ABLIM1: variants seen among roughly 807,000 people sequenced by gnomAD.
The protein encoded by ABLIM1 is actin-binding LIM protein 1.
A neutral mutation model predicts 107.0 loss-of-function variants in ABLIM1; 40 were observed. That is an observed-to-expected ratio of 0.37 (90% CI 0.29 to 0.49). The LOEUF (loss-of-function observed/expected upper bound fraction) is 0.49, where lower values mean the gene tolerates loss of function less well. Ranked by LOEUF, ABLIM1 falls within the 20% of genes least tolerant of loss-of-function variation. The pLI, the probability that ABLIM1 is intolerant of heterozygous loss-of-function variation, is 0.97. For synonymous variants in ABLIM1, 357 were observed against 357.3 expected, an observed-to-expected ratio of 1.00 and a Z score of 0.01; for missense variants, 857 against 1,008.5, an observed-to-expected ratio of 0.85 and a Z score of 2.04.
chr10:114,474,104 G>A, intron 8 of ABLIM1, 148 bp from the exon 9 acceptor site: 2 of 612,422 alleles, frequency 3.3e-6, no homozygotes, highest in Non-Finnish European at 5.6e-6. Context: ...CAACCTAGAA[G>A]GAAAGGTAAA....
In ABLIM1 at chr10:114,759,194, C is replaced by T. The variant is rs573866556; in HGVS notation, c.-213+8867G>A. On this transcript the variant is annotated intron_variant, in intron 1 of 15. Coordinates refer to the ABLIM1 transcript ENST00000651092. ...ATACCATCCAAAACTAATTTTTTAA[C>T]GGGCAATTTCCTTATAGTGGTAAAT... is the stretch of plus-strand genomic sequence containing the variant. Among the ~76,000 whole-genome samples, 51 of 152,228 alleles carry T rather than the reference C, an allele frequency of 3.4e-4. 1 individual carries two copies. In the South Asian group the frequency reaches 9.3e-3, roughly 28 times the overall value.
At chr10:114,793,705 G>A in the ABLIM1 span, among the ~76,000 whole-genome samples, 1 of 152,164 alleles carries the variant, frequency 6.6e-6, no homozygotes, top group South Asian at 2.1e-4. Context: ...ACTGGGAGAT[G>A]GGAGACTCCT....
At chr10:114,562,202 G>A (rs1236900803) in intron 4 of ABLIM1, among the ~76,000 whole-genome samples, 2 of 152,108 alleles carry the variant, frequency 1.3e-5, no homozygotes, top group African/African-American at 2.4e-5. Context: ...CAAAGTTGAG[G>A]AGATCCATTC....
upstream of ABLIM1, among the ~76,000 whole-genome samples, chr10:114,770,333 G>A (rs1344887612): frequency 1.3e-5 from 2 of 152,154 alleles, no homozygotes; most frequent in African/African-American, 4.8e-5. Context: ...ACAAAGCTTA[G>A]AGTCCACTGA....
intron 11 of ABLIM1, among the ~76,000 whole-genome samples, chr10:114,466,734 T>C (rs1179615241): frequency 6.6e-6 from 1 of 152,200 alleles, no homozygotes; most frequent in Non-Finnish European, 1.5e-5. Flanking sequence ...TTGGGAAACA[T>C]ATCCCAAGAA....
intron 1 of ABLIM1, among the ~76,000 whole-genome samples, chr10:114,761,801 T>C (rs1028371281): frequency 6.6e-6 from 1 of 152,192 alleles, no homozygotes; most frequent in Admixed American, 6.5e-5. Flanking sequence ...CTTCTTTTCA[T>C]GCCCTTTTCC....
intron 11 of ABLIM1, 65 bp downstream of exon 11, chr10:114,468,116 C>G (rs1199878539): frequency 7.0e-7 from 1 of 1,433,270 alleles, no homozygotes; most frequent in African/African-American, 1.4e-5. Flanking sequence ...AAATCCCAGT[C>G]TAGGGAAGGG....
chr10:114,437,833 T>C lies in ABLIM1; in HGVS notation c.2223+11A>G. 1 of 1,613,240 alleles carries C rather than the reference T, an allele frequency of 6.2e-7. No homozygotes were observed. Among genetic ancestry groups the C allele is most frequent in the Middle Eastern group, 1.7e-4 (1 of 6,060 alleles). ...CTGCAGTTGGGACTGGATTTTTCGG[T>C]TTTGTTTTACCTCCAGCCTGGTTCT... is the stretch of plus-strand genomic sequence containing the variant. On this transcript the variant is annotated intron_variant, in intron 22 of 22. Coordinates refer to ENST00000533213, the MANE Select transcript of ABLIM1 (RefSeq NM_002313.7).
chr10:114,762,513 G>A (rs1449095532), intron 1 of ABLIM1, among the ~76,000 whole-genome samples: 1 of 152,178 alleles, frequency 6.6e-6, no homozygotes, highest in Non-Finnish European at 1.5e-5. Context: ...TGAATGAGTA[G>A]GGATTAAGTG....
chr10:114,608,562 G>A lies in ABLIM1; in HGVS notation c.245-6601C>T, dbSNP rs539123213. On this transcript the variant is annotated intron_variant, in intron 1 of 22. Coordinates refer to ENST00000533213, the MANE Select transcript of ABLIM1 (RefSeq NM_002313.7). Reference sequence around the variant, plus strand: ...CGTATGCCTGTAATCCCAGCTACTCGGGAGGCTGAGGCAGGAGAATCACTT... The same window carrying A: ...CGTATGCCTGTAATCCCAGCTACTCAGGAGGCTGAGGCAGGAGAATCACTT... 1.3e-4 allele frequency among the ~76,000 whole-genome samples: 19 copies of A among 151,584 alleles called. No homozygotes were observed. The East Asian group carries it at 3.3e-3, about 27-fold the overall frequency.
intron 6 of ABLIM1, among the ~76,000 whole-genome samples, chr10:114,537,162 A>G (rs1487221933): frequency 6.6e-6 from 1 of 152,162 alleles, no homozygotes; most frequent in African/African-American, 2.4e-5. Context: ...TGTCAGGTAG[A>G]TAATAAAGTT....
At chr10:114,620,075 A>G (rs2077370415) in intron 1 of ABLIM1, among the ~76,000 whole-genome samples, 1 of 152,236 alleles carries the variant, frequency 6.6e-6, no homozygotes, top group Non-Finnish European at 1.5e-5. Flanking sequence ...ATTCTGTTTC[A>G]TCAATAAAAG....
chr10:114,642,562 A>G (rs1317303422), intron 1 of ABLIM1, among the ~76,000 whole-genome samples: 1 of 152,204 alleles, frequency 6.6e-6, no homozygotes, highest in African/African-American at 2.4e-5. Context: ...GATGTGCAAG[A>G]TGAAGAAAGA....
rs41502248 is a variant in ABLIM1 at position 114,569,844 on chromosome 10, C to T, written c.673+1453G>A. Among the ~76,000 whole-genome samples the T allele has an allele frequency of 2.4e-3, 359 of 152,250 alleles. 3 individuals carry two copies. Among genetic ancestry groups the T allele is most frequent in the African/African-American group, 8.4e-3 (348 of 41,552 alleles). ...TCCTACCCAAGCTGCTGTTATTTGT[C>T]GGAAGGTCACATAAATTCACACGCC... On this transcript the variant is annotated intron_variant, in intron 4 of 22. Coordinates refer to ENST00000533213, the MANE Select transcript of ABLIM1 (RefSeq NM_002313.7).
intron 1 of ABLIM1, among the ~76,000 whole-genome samples, chr10:114,711,584 G>A (rs1349123659): frequency 1.3e-5 from 2 of 152,154 alleles, no homozygotes; most frequent in Non-Finnish European, 2.9e-5. Flanking sequence ...TTTAACAAAG[G>A]GGATATTTAC....
At chr10:114,615,631 T>G in intron 1 of ABLIM1, 1 of 445,554 alleles carries the variant, frequency 2.2e-6, no homozygotes, top group African/African-American at 2.0e-5. Flanking sequence ...AATATGTTCA[T>G]GTTTTGAATA....
intron 2 of ABLIM1, among the ~76,000 whole-genome samples, chr10:114,591,624 A>G (rs563341645): frequency 9.1e-4 from 139 of 152,184 alleles, no homozygotes; most frequent in Non-Finnish European, 8.5e-4. Context: ...GGGAACCGCA[A>G]AAAAAAATTC....
the ABLIM1 span, among the ~76,000 whole-genome samples, chr10:114,795,677 C>A: frequency 1.3e-5 from 2 of 151,314 alleles, no homozygotes; most frequent in African/African-American, 2.4e-5. Context: ...CCATTGTACT[C>A]CAGTCTGGGC....
chr10:114,491,012 G>GTA lies in ABLIM1; in HGVS notation c.982+777_982+778dup, dbSNP rs71473045. Among the ~76,000 whole-genome samples, 75 of 92,388 alleles carry GTA rather than the reference G, an allele frequency of 8.1e-4. 1 individual carries two copies. Among genetic ancestry groups the GTA allele is most frequent in the Middle Eastern group, 0.011 (2 of 176 alleles). The allele number at this position is 92,388 out of a possible 152,430, so 60.6% of individuals were successfully genotyped here. On this transcript the variant is annotated intron_variant, in intron 7 of 22. Transcript: ENST00000533213. ...TGTGTGTGTGTGTGTGTGTGTGTGT[G>GTA]TATATATATATATGGTCTATTTTAT...
Sources: allele counts gnomAD v4.1 joint callset (sites outside exome capture counted in the v4.1 genomes callset), GRCh38; gene constraint gnomAD v4.1.1; transcripts MANE v1.5; gene names NCBI Gene and HGNC (gene_info 2026-07-23, HGNC 2026-07-21).